Variants in MYH9 observed in about 807,000 individuals in gnomAD.
MYH9 encodes the protein myosin heavy chain 9.
In MYH9, 29 loss-of-function variants were observed where a neutral mutation model predicts 241.9. The observed-to-expected ratio is 0.12, with a 90% CI of 0.09 to 0.16. MYH9 has a LOEUF of 0.16. MYH9 is among the 10% of genes least tolerant of loss of function. MYH9 has a pLI of 1.00. For missense variants in MYH9, 1,803 were observed against 2,595.5 expected (o/e 0.69, Z 6.63); for synonymous variants, 1,047 against 1,062.6 (o/e 0.99, Z 0.29).
rs763956681 is a variant in MYH9, at chr22:36,300,678, G to A, written c.2838+173C>T. On this transcript the variant is annotated intron_variant, in intron 22 of 40. Transcript: ENST00000216181. This position sits in a 1 kb window ranked among gnomAD's most constrained non-coding sequence, Gnocchi z 5.0. Reference sequence around the variant, plus strand: ...GCTCATGGAGATCTCAGATGCACATGTCACAAACTACCAGCCCAAAGGGAA... The same window carrying A: ...GCTCATGGAGATCTCAGATGCACATATCACAAACTACCAGCCCAAAGGGAA... Among the ~76,000 whole-genome samples the A allele has an allele frequency of 7.2e-5, 11 of 152,196 alleles. No individual in the cohort carries two copies. Among genetic ancestry groups the A allele is most frequent in the Admixed American group, 3.9e-4 (6 of 15,288 alleles).
chr22:36,318,891 G>C (rs2146361760), intron 10 of MYH9, among the ~76,000 whole-genome samples: 1 of 152,148 alleles, frequency 6.6e-6, no homozygotes, highest in African/African-American at 2.4e-5. Flanking sequence ...AACCTCCCAA[G>C]TAGCTGGGAT....
At chr22:36,353,843 T>C (rs1009491148) in intron 1 of MYH9, among the ~76,000 whole-genome samples, 2 of 151,990 alleles carry the variant, frequency 1.3e-5, no homozygotes, top group East Asian at 3.9e-4. Flanking sequence ...GAGGACAGAG[T>C]TTCAGATTTT....
chr22:36,320,948 C>A lies in MYH9; in HGVS notation c.770-52G>T. On this transcript the variant is annotated intron_variant, in intron 7 of 40. Coordinates refer to ENST00000216181, the MANE Select transcript of MYH9 (RefSeq NM_002473.6). This position sits in a 1 kb window ranked among gnomAD's most constrained non-coding sequence, Gnocchi z 4.8. Reference sequence around the variant, plus strand: ...AGCTGGGGAGAAGGCAAGCCCTCCACTTTCCTCATTTTTTTTTTTTTGGAG... The same window carrying A: ...AGCTGGGGAGAAGGCAAGCCCTCCAATTTCCTCATTTTTTTTTTTTTGGAG... 2 of 1,493,018 alleles carry A rather than the reference C, an allele frequency of 1.3e-6. No homozygotes were observed. The highest frequency in any genetic ancestry group is 1.4e-5 in the African/African-American group (1 of 70,920). 92.5% of individuals were successfully genotyped at this position (1,493,018 alleles called of 1,614,324 possible).
intron 1 of MYH9, among the ~76,000 whole-genome samples, chr22:36,383,245 A>G (rs1278040069): frequency 6.6e-6 from 1 of 152,076 alleles, no homozygotes; most frequent in East Asian, 1.9e-4. Context: ...AACAAAAAGG[A>G]AATCAAACCT....
At chr22:36,366,711 C>T (rs1037005337) in intron 1 of MYH9, among the ~76,000 whole-genome samples, 1 of 152,148 alleles carries the variant, frequency 6.6e-6, no homozygotes, top group Admixed American at 6.5e-5. Context: ...TCACCCCTCC[C>T]ATCTCCAGGC....
Position 36,318,296 on chromosome 22 carries a change from T to C in MYH9, c.1138A>G (p.Ile380Val). ...AAQKVSHLLG[I>V]NVTDFTRGIL... is the part of the protein sequence containing the mutation. ...CCTCTGGTGAAATCGGTCACATTGA[T>C]ACCCAAGAGATGGGACACCTTTTGG... Residue 380 changes from isoleucine (I) to valine (V), a missense_variant, in exon 11 of 41, where the codon ATC becomes GTC. Transcript: ENST00000216181. 1.9e-6 allele frequency: 3 copies of C among 1,613,990 alleles called. No homozygotes were observed. Among genetic ancestry groups the C allele is most frequent in the Non-Finnish European group, 2.5e-6 (3 of 1,180,036 alleles).
At chr22:36,283,412 C>G (rs2016524529) in intron 40 of MYH9, among the ~76,000 whole-genome samples, 1 of 151,762 alleles carries the variant, frequency 6.6e-6, no homozygotes, top group Non-Finnish European at 1.5e-5. Context: ...TGGTGCATGC[C>G]TGTAATCCCA....
rs2016645420 is a variant in MYH9 at position 36,289,266 on chromosome 22, T to G, written c.4376A>C (p.Lys1459Thr). 6.2e-7 allele frequency: 1 copy of G among 1,612,556 alleles called. No individual in the cohort carries two copies. Residue 1459 changes from lysine (K) to threonine (T), a missense_variant, in exon 32 of 41, where the codon AAG becomes ACG. By Grantham distance (78) the Lys-to-Thr change is moderately conservative. Around this residue, in one of 11 missense-constraint regions of MYH9, gnomAD observed 876 missense variants for 1,077.8 expected, o/e 0.81. Transcript: ENST00000216181. ...LLAEEKTISAKYAEERDRAEA... is the reference protein window; with the variant it reads ...LLAEEKTISATYAEERDRAEA... ...AGCCCGGTCGCGCTCCTCTGCATAC[T>G]TGGCAGAGATGGTCTTCTCCTCCGC... is the stretch of plus-strand genomic sequence containing the variant.
intron 12 of MYH9, 81 bp from the exon 13 acceptor site, chr22:36,314,399 G>T: frequency 6.4e-7 from 1 of 1,561,844 alleles, no homozygotes; most frequent in Non-Finnish European, 8.8e-7. Context: ...AGGAGGGTGG[G>T]GCAGGGATAC....
intron 3 of MYH9, among the ~76,000 whole-genome samples, chr22:36,337,965 C>G (rs988167921): frequency 9.9e-5 from 15 of 151,748 alleles, no homozygotes; most frequent in African/African-American, 3.6e-4. Context: ...CTTTGCAGGT[C>G]AGCTATATAC....
chr22:36,357,839 T>C (rs1425985398), intron 1 of MYH9, among the ~76,000 whole-genome samples: 1 of 152,238 alleles, frequency 6.6e-6, no homozygotes, highest in Non-Finnish European at 1.5e-5. Context: ...TAGATTCTCC[T>C]GCTGGACTGT....
At chr22:36,378,601 A>G (rs1603484673) in intron 1 of MYH9, among the ~76,000 whole-genome samples, 1 of 152,130 alleles carries the variant, frequency 6.6e-6, no homozygotes, top group African/African-American at 2.4e-5. Flanking sequence ...GCACCACCCC[A>G]TGTGAAATAT....
intron 1 of MYH9, among the ~76,000 whole-genome samples, chr22:36,365,410 C>T (rs1477167056): frequency 2.0e-5 from 3 of 152,152 alleles, no homozygotes; most frequent in African/African-American, 4.8e-5. Flanking sequence ...CTGCCAGAGG[C>T]GCCAGGGCAT....
Position 36,285,807 on chromosome 22 carries a change from G to A in MYH9, c.5151-26C>T. On this transcript the variant is annotated intron_variant, in intron 36 of 40. Coordinates refer to ENST00000216181, the MANE Select transcript of MYH9 (RefSeq NM_002473.6). The surrounding 1 kb of genome is among the most constrained non-coding windows in gnomAD (Gnocchi z 7.0). The stretch of plus-strand genomic sequence containing the variant: ...CTGCGGGGTGGGCGGGAGAAGTGAG[G>A]GGCCTACCCTGGGGACACACCTGGT... The A allele has an allele frequency of 6.2e-7, 1 of 1,612,062 alleles. No homozygotes were observed. The highest frequency in any genetic ancestry group is 8.5e-7 in the Non-Finnish European group (1 of 1,179,384).
chr22:36,325,146 G>C, intron 5 of MYH9: 1 of 757,790 alleles, frequency 1.3e-6, no homozygotes, highest in Non-Finnish European at 2.5e-6. Flanking sequence ...GAAAATCGGG[G>C]GTAGGGAGGG....
rs530533580 is a variant in MYH9 at position 36,292,032 on chromosome 22, C to T, written c.4298G>A (p.Arg1433His). The T allele has an allele frequency of 3.3e-5, 54 of 1,614,176 alleles. No individual in the cohort carries two copies. The highest frequency in any genetic ancestry group is 4.5e-5 in the East Asian group (2 of 44,872). Residue 1433 changes from arginine to histidine, a missense_variant, in exon 31 of 41, where the codon CGC (arginine) becomes CAC (histidine). Transcript: ENST00000216181. ...DDLLVDLDHQ[R>H]QSACNLEKKQ... is the part of the protein sequence containing the mutation. ...CTTCTCCAGGTTGCACGCGCTCTGGCGCTGGTGGTCCAGGTCCACCAGCAG... is the reference window on the plus strand; with the variant it reads ...CTTCTCCAGGTTGCACGCGCTCTGGTGCTGGTGGTCCAGGTCCACCAGCAG...
intron 1 of MYH9, among the ~76,000 whole-genome samples, chr22:36,351,803 G>A (rs1320132774): frequency 2.0e-5 from 3 of 151,904 alleles, no homozygotes; most frequent in Non-Finnish European, 4.4e-5. Flanking sequence ...TGAACCCCAT[G>A]CCCCCAAACC....
At chr22:36,317,789 C>A (rs545319671) in intron 11 of MYH9, among the ~76,000 whole-genome samples, 1 of 152,344 alleles carries the variant, frequency 6.6e-6, no homozygotes, top group East Asian at 1.9e-4. Context: ...AAGCCCAAGG[C>A]AGCAGGTGGT....
At chr22:36,347,308 T>A (rs2017692552) in intron 2 of MYH9, among the ~76,000 whole-genome samples, 1 of 151,822 alleles carries the variant, frequency 6.6e-6, no homozygotes, top group African/African-American at 2.4e-5. Flanking sequence ...ACACTTCCCC[T>A]TGGTCAAGCC....
Sources: gnomAD v4.1 joint callset for allele counts (sites outside exome capture counted in the v4.1 genomes callset) on GRCh38, gnomAD v4.1.1 for gene constraint, gnomAD v4.1.1 regional missense constraint, Gnocchi (gnomAD v3.1) non-coding constraint, MANE v1.5 for transcripts, NCBI Gene and HGNC (gene_info 2026-07-23, HGNC 2026-07-21) for gene names.